The following MAD1L1 variants were observed in gnomAD, a reference collection of about 807,000 sequenced individuals.
MAD1L1 encodes the protein mitotic spindle assembly checkpoint protein MAD1.
Under a neutral mutation model 96.9 loss-of-function variants are expected in MAD1L1, and 95 were observed. That is an observed-to-expected ratio of 0.98 (90% CI 0.83 to 1.16). The LOEUF (loss-of-function observed/expected upper bound fraction) is 1.16. Ranked by LOEUF, MAD1L1 falls within the 50% of genes most tolerant of loss-of-function variation. The probability of loss-of-function intolerance (pLI) is 0.00; values close to 1 mark genes in which losing one functional copy is unlikely to be tolerated. For synonymous variants in MAD1L1, 473 were observed against 396.6 expected (o/e 1.19, Z -2.29); for missense variants, 1,007 against 954.4 (o/e 1.06, Z -0.73).
At chr7:2,225,370 T>G in intron 4 of MAD1L1, 40 bp downstream of exon 4, 1 of 1,606,182 alleles carries the variant, frequency 6.2e-7, no homozygotes. Flanking sequence ...CCTTGCTTCC[T>G]GGGGCTGTCT....
intron 10 of MAD1L1, among the ~76,000 whole-genome samples, chr7:2,157,791 G>A (rs1194829390): frequency 6.6e-6 from 1 of 152,208 alleles, no homozygotes; most frequent in Non-Finnish European, 1.5e-5. Flanking sequence ...CCTCCAACTG[G>A]CAGGAAGAGT....
chr7:1,818,898 G>C (rs901251138), intron 18 of MAD1L1, among the ~76,000 whole-genome samples: 7 of 152,002 alleles, frequency 4.6e-5, no homozygotes, highest in Non-Finnish European at 8.8e-5. Context: ...GGAGTAACCA[G>C]TGCTACTCTC....
At chr7:2,027,074 T>C (rs190079817) in intron 12 of MAD1L1, among the ~76,000 whole-genome samples, 1 of 151,782 alleles carries the variant, frequency 6.6e-6, no homozygotes, top group Non-Finnish European at 1.5e-5. Flanking sequence ...AACATGACAA[T>C]AAACAACTTT....
chr7:2,210,301 G>A (rs190486933), intron 10 of MAD1L1, among the ~76,000 whole-genome samples: 18 of 152,188 alleles, frequency 1.2e-4, no homozygotes, highest in Non-Finnish European at 2.6e-4. Flanking sequence ...AAACATCTAG[G>A]CTCGAGCAAT....
intron 8 of MAD1L1, 71 bp downstream of exon 8, chr7:2,216,086 G>A: frequency 1.9e-6 from 3 of 1,608,054 alleles, no homozygotes; most frequent in South Asian, 2.2e-5. Context: ...TACAGGGTCT[G>A]CACAGTGGGC....
At chr7:2,080,267 CA>C in intron 11 of MAD1L1, among the ~76,000 whole-genome samples, 3 of 152,346 alleles carry the variant, frequency 2.0e-5, no homozygotes, top group Admixed American at 2.0e-4. Context: ...CTCAAAAAGC[CA>C]AAAGTATTTA....
At chr7:2,051,605 C>G (rs1041331784) in intron 12 of MAD1L1, among the ~76,000 whole-genome samples, 2 of 151,958 alleles carry the variant, frequency 1.3e-5, no homozygotes. Flanking sequence ...GCCTTCCCTG[C>G]ATCCGCCGGG....
At chr7:2,090,716 G>C (rs1005344889) in intron 11 of MAD1L1, among the ~76,000 whole-genome samples, 17 of 152,202 alleles carry the variant, frequency 1.1e-4, no homozygotes, top group African/African-American at 4.1e-4. Context: ...CTGGACTGGA[G>C]CTACAGGTCT....
At chr7:1,887,474 T>C (rs1364070431) in intron 18 of MAD1L1, among the ~76,000 whole-genome samples, 2 of 151,492 alleles carry the variant, frequency 1.3e-5, no homozygotes, top group Non-Finnish European at 1.5e-5. Flanking sequence ...TGCATGCATG[T>C]GGCTGCCCGT....
At chr7:2,013,719 C>G (rs191959934) in intron 13 of MAD1L1, among the ~76,000 whole-genome samples, 177 of 152,376 alleles carry the variant, frequency 1.2e-3, no homozygotes, top group African/African-American at 3.9e-3. Flanking sequence ...GGTGCAAATC[C>G]TGAGAGGAGA....
chr7:2,162,075 C>T (rs947272278), intron 10 of MAD1L1, among the ~76,000 whole-genome samples: 3 of 152,156 alleles, frequency 2.0e-5, no homozygotes, highest in African/African-American at 7.2e-5. Context: ...GGCCACCACC[C>T]CGTCTGGGAG....
At chr7:2,104,395 G>GA (rs1786978378) in intron 11 of MAD1L1, among the ~76,000 whole-genome samples, 1 of 152,262 alleles carries the variant, frequency 6.6e-6, no homozygotes, top group Non-Finnish European at 1.5e-5. Context: ...GGCCAAGGGG[G>GA]ACGCAGTCTG....
At chr7:1,951,142 G>A (rs1162092642) in intron 16 of MAD1L1, among the ~76,000 whole-genome samples, 1 of 152,270 alleles carries the variant, frequency 6.6e-6, no homozygotes, top group Admixed American at 6.5e-5. Context: ...ATGAGCAGGA[G>A]CCCTGGACAG....
intron 18 of MAD1L1, among the ~76,000 whole-genome samples, chr7:1,894,424 C>T (rs1477201740): frequency 6.6e-6 from 1 of 152,208 alleles, no homozygotes; most frequent in Non-Finnish European, 1.5e-5. Flanking sequence ...AGCACGGGTG[C>T]ACCGTGGGCT....
intron 10 of MAD1L1, among the ~76,000 whole-genome samples, chr7:2,169,224 G>A (rs1052066660): frequency 1.3e-5 from 2 of 152,160 alleles, no homozygotes; most frequent in African/African-American, 2.4e-5. Context: ...TTTAAAGTCC[G>A]CATGTAGACA....
At chr7:1,914,387 G>A (rs992367703) in intron 17 of MAD1L1, among the ~76,000 whole-genome samples, 8 of 152,240 alleles carry the variant, frequency 5.3e-5, no homozygotes, top group South Asian at 2.1e-4. Flanking sequence ...GTCTTCACAC[G>A]TCAGAAAGGG....
chr7:1,941,885 CTG>C (rs67797142), intron 16 of MAD1L1, among the ~76,000 whole-genome samples: 130,000 of 152,010 alleles, frequency 0.86, 57,067 homozygotes, highest in Non-Finnish European at 0.96. Flanking sequence ...CGCTAGGGCT[CTG>C]TGCAGATGGC....
At chr7:1,983,343 A>C (rs1781012738) in intron 14 of MAD1L1, among the ~76,000 whole-genome samples, 2 of 152,042 alleles carry the variant, frequency 1.3e-5, no homozygotes, top group Admixed American at 1.3e-4. Flanking sequence ...GCTTGGCCTG[A>C]TGCATCTTCT....
At chr7:2,077,732 A>G (rs1347511248) in intron 11 of MAD1L1, among the ~76,000 whole-genome samples, 1 of 152,216 alleles carries the variant, frequency 6.6e-6, no homozygotes, top group African/African-American at 2.4e-5. Context: ...CAGGGAGCAG[A>G]GGACAGGCTC....
Sources: allele counts gnomAD v4.1 joint callset (sites outside exome capture counted in the v4.1 genomes callset), GRCh38; gene constraint gnomAD v4.1.1; transcripts MANE v1.5; gene names NCBI Gene and HGNC (gene_info 2026-07-23, HGNC 2026-07-21).